PARD3: variants seen among roughly 807,000 people sequenced by gnomAD.
The protein encoded by PARD3 is par-3 family cell polarity regulator.
Under a neutral mutation model 155.4 loss-of-function variants are expected in PARD3, and 75 were observed. The observed-to-expected ratio is 0.48, with a 90% confidence interval of 0.40 to 0.58. The LOEUF is 0.58. Among genes scored for constraint, PARD3 ranks in the 20% least tolerant of loss-of-function variants. The probability of loss-of-function intolerance (pLI) is 0.00; values close to 1 mark genes in which losing one functional copy is unlikely to be tolerated. For missense variants in PARD3, 1,642 were observed against 1,721.7 expected (o/e 0.95, Z 0.82); for synonymous variants, 576 against 610.5 (o/e 0.94, Z 0.83).
At chr10:34,449,237 G>A (rs762936605) in intron 5 of PARD3, among the ~76,000 whole-genome samples, 2 of 151,730 alleles carry the variant, frequency 1.3e-5, no homozygotes, top group African/African-American at 4.8e-5. Flanking sequence ...CTTGATTGTG[G>A]TAATCATTGT....
intron 2 of PARD3, among the ~76,000 whole-genome samples, chr10:34,542,609 A>G (rs2083725074): frequency 6.6e-6 from 1 of 152,226 alleles, no homozygotes; most frequent in Non-Finnish European, 1.5e-5. Flanking sequence ...ATGGATTTAT[A>G]TGTGCATTGC....
chr10:34,151,727 G>C (rs1288629612), intron 22 of PARD3, among the ~76,000 whole-genome samples: 1 of 152,130 alleles, frequency 6.6e-6, no homozygotes, highest in East Asian at 1.9e-4. Context: ...CCATAAAGTG[G>C]ATCAGATTTT....
At chr10:34,525,629 G>A (rs2082420257) in intron 2 of PARD3, among the ~76,000 whole-genome samples, 1 of 151,912 alleles carries the variant, frequency 6.6e-6, no homozygotes, top group Non-Finnish European at 1.5e-5. Flanking sequence ...CGTGTATCCA[G>A]AAATGCCTGC....
chr10:34,513,050 T>C (rs901791771), intron 3 of PARD3, among the ~76,000 whole-genome samples: 1 of 152,184 alleles, frequency 6.6e-6, no homozygotes. Context: ...CAAAAAAATA[T>C]ATTTATGGTC....
chr10:34,619,043 CCTTTTTTTTTTTT>C (rs1331660604), intron 2 of PARD3, among the ~76,000 whole-genome samples: 2 of 150,222 alleles, frequency 1.3e-5, no homozygotes, highest in Non-Finnish European at 3.0e-5. Flanking sequence ...TCCCATAAAG[CCTTTTTTTTTTTT>C]CTTTTTTTTT....
chr10:34,717,378 C>G (rs1456519080), intron 1 of PARD3, among the ~76,000 whole-genome samples: 1 of 152,114 alleles, frequency 6.6e-6, no homozygotes, highest in East Asian at 1.9e-4. Flanking sequence ...AATAAAACAG[C>G]CATTCCTACC....
intron 12 of PARD3, 94 bp from the exon 13 acceptor site, chr10:34,360,353 T>A (rs1339766233): frequency 1.2e-6 from 1 of 828,248 alleles, no homozygotes; most frequent in Non-Finnish European, 1.9e-6. Flanking sequence ...TCCTTAATCA[T>A]AAGAGGCAAA....
At chr10:34,599,360 A>G (rs555323411) in intron 2 of PARD3, among the ~76,000 whole-genome samples, 1 of 152,338 alleles carries the variant, frequency 6.6e-6, no homozygotes, top group African/African-American at 2.4e-5. Context: ...AAATGATTAA[A>G]TCACTCAGCT....
intron 3 of PARD3, among the ~76,000 whole-genome samples, chr10:34,494,754 A>AT (rs986256805): frequency 2.6e-5 from 4 of 152,124 alleles, no homozygotes; most frequent in South Asian, 2.1e-4. Flanking sequence ...AAGTCCTGAT[A>AT]TTTTTTTAAT....
intron 2 of PARD3, among the ~76,000 whole-genome samples, chr10:34,617,352 G>A (rs980448564): frequency 1.3e-5 from 2 of 152,194 alleles, no homozygotes; most frequent in Admixed American, 1.3e-4. Context: ...AAGGTAGGAA[G>A]AGATTGGTTA....
chr10:34,550,823 T>A (rs1165910038), intron 2 of PARD3, among the ~76,000 whole-genome samples: 7 of 152,226 alleles, frequency 4.6e-5, no homozygotes, highest in African/African-American at 7.2e-5. Context: ...TTTTTCATTA[T>A]TTTAATAATC....
intron 4 of PARD3, among the ~76,000 whole-genome samples, chr10:34,453,697 T>C (rs758540599): frequency 1.3e-5 from 2 of 152,236 alleles, no homozygotes; most frequent in South Asian, 2.1e-4. Context: ...CTATTTCAAC[T>C]TCCTGTCACA....
intron 1 of PARD3, among the ~76,000 whole-genome samples, chr10:34,777,190 G>A (rs747205061): frequency 1.3e-5 from 2 of 151,724 alleles, no homozygotes; most frequent in Non-Finnish European, 2.9e-5. Context: ...TGGAACCTTC[G>A]AAGACTCCTG....
chr10:34,666,238 T>TCAAA (rs10641678), intron 2 of PARD3, among the ~76,000 whole-genome samples: 149,811 of 150,064 alleles, frequency 1, 74,780 homozygotes, highest in Middle Eastern at 1. Flanking sequence ...AAGCCAATTC[T>TCAAA]CAAAGAAAAA....
rs961662606 is a variant in PARD3 at position 34,726,401 on chromosome 10, C to T, written c.121-29982G>A. 2.6e-5 allele frequency among the ~76,000 whole-genome samples: 4 copies of T among 152,234 alleles called. No individual in the cohort carries two copies. The South Asian group carries it at 8.3e-4, about 31-fold the overall frequency. The stretch of plus-strand genomic sequence containing the variant: ...AGGAATTTGAGACCAGCCTGGCCAA[C>T]ATGGTGAAACCCCATCTCTACTAAA... On this transcript the variant is annotated intron_variant, in intron 1 of 24. Coordinates refer to ENST00000374788, the MANE Select transcript of PARD3 (RefSeq NM_001184785.2).
chr10:34,729,582 T>C (rs1459149655), intron 1 of PARD3, among the ~76,000 whole-genome samples: 4 of 151,936 alleles, frequency 2.6e-5, no homozygotes, highest in Non-Finnish European at 5.9e-5. Flanking sequence ...AAAGGATTGT[T>C]GTGAGAATTT....
chr10:34,673,995 A>C (rs1026644051), intron 2 of PARD3, among the ~76,000 whole-genome samples: 4 of 151,550 alleles, frequency 2.6e-5, no homozygotes, highest in Admixed American at 1.3e-4. Flanking sequence ...AAAAAAAAAA[A>C]AACAAACAAA....
intron 5 of PARD3, among the ~76,000 whole-genome samples, chr10:34,437,679 A>C (rs1430769595): frequency 1.3e-5 from 2 of 152,294 alleles, no homozygotes; most frequent in East Asian, 3.9e-4. Context: ...AAAAAATTTT[A>C]AACAGCTAAA....
chr10:34,815,081 G>A lies in PARD3; in HGVS notation c.-86C>T. On this transcript the variant is annotated 5_prime_UTR_variant, in exon 1 of 25. Transcript: ENST00000374788. ...CGGGACCGAGGACGCTGGGCGCGGA[G>A]GAGCCGCTGGGGACTCGGGCGCGCG... 23 of 970,162 alleles carry A rather than the reference G, an allele frequency of 2.4e-5. No homozygotes were observed. Among genetic ancestry groups the A allele is most frequent in the Admixed American group, 5.1e-5 (1 of 19,456 alleles). 60.1% of individuals were successfully genotyped at this position (970,162 alleles called of 1,614,324 possible). A position where few individuals can be genotyped will look rare whatever the true frequency, so the allele number is the denominator to read the frequency against.
Sources: allele counts gnomAD v4.1 joint callset (sites outside exome capture counted in the v4.1 genomes callset), GRCh38; gene constraint gnomAD v4.1.1; transcripts MANE v1.5; gene names NCBI Gene and HGNC (gene_info 2026-07-23, HGNC 2026-07-21).